GMDS: variants seen among roughly 807,000 people sequenced by gnomAD.
GMDS encodes the protein GDP-mannose 4,6 dehydratase.
In GMDS, 20 loss-of-function variants were observed where a neutral mutation model predicts 49.9. The ratio of observed to expected loss-of-function variants is 0.40; its 90% CI spans 0.28 to 0.58. The LOEUF is 0.58. GMDS is among the 20% of genes least tolerant of loss of function. The pLI is 0.42. For synonymous variants in GMDS, 177 were observed against 178.6 expected, an observed-to-expected ratio of 0.99 and a Z score of 0.07; for missense variants, 362 against 481.4, an observed-to-expected ratio of 0.75 and a Z score of 2.32.
At chr6:1,701,032 C>G (rs903506244) in intron 9 of GMDS, among the ~76,000 whole-genome samples, 2 of 152,190 alleles carry the variant, frequency 1.3e-5, no homozygotes, top group African/African-American at 4.8e-5. Flanking sequence ...ACTAAAAAGT[C>G]TGGGTTCAGG....
At chr6:1,642,254 C>A (rs1032058847) in intron 9 of GMDS, among the ~76,000 whole-genome samples, 1 of 149,146 alleles carries the variant, frequency 6.7e-6, no homozygotes, top group African/African-American at 2.5e-5. Context: ...GCAACCTCCA[C>A]CTCCCAGGTT....
chr6:1,850,027 T>A (rs1263142883), intron 7 of GMDS, among the ~76,000 whole-genome samples: 1 of 152,230 alleles, frequency 6.6e-6, no homozygotes, highest in Non-Finnish European at 1.5e-5. Flanking sequence ...TCCCCATAAA[T>A]GATCATCATG....
chr6:2,231,230 T>G (rs140783097), intron 1 of GMDS, among the ~76,000 whole-genome samples: 2 of 152,146 alleles, frequency 1.3e-5, no homozygotes, highest in Non-Finnish European at 2.9e-5. Context: ...TCTTGACTCC[T>G]AAGTTCTGCT....
intron 6 of GMDS, among the ~76,000 whole-genome samples, chr6:1,940,379 C>G (rs936928982): frequency 1.3e-5 from 2 of 152,200 alleles, no homozygotes; most frequent in Non-Finnish European, 2.9e-5. Flanking sequence ...AGAAATCATT[C>G]CAATTTATCC....
rs1780081198 is a variant in GMDS, at chr6:2,211,974, T to C, written c.102+33347A>G. Among the ~76,000 whole-genome samples the C allele has an allele frequency of 2.0e-5, 3 of 152,228 alleles. No homozygotes were observed. In the South Asian group the frequency reaches 6.2e-4, roughly 32 times the overall value. On this transcript the variant is annotated intron_variant, in intron 1 of 10. Coordinates refer to ENST00000380815, the MANE Select transcript of GMDS (RefSeq NM_001500.4). ...TAAAATTTAACTAAACCTTCAACAA[T>C]TGGTAATAATTTAACCCATCTCTTT...
At chr6:2,139,182 G>A (rs1032729299) in intron 1 of GMDS, among the ~76,000 whole-genome samples, 2 of 152,080 alleles carry the variant, frequency 1.3e-5, no homozygotes, top group African/African-American at 2.4e-5. Context: ...AGAACTTCTT[G>A]TACCCCAAAA....
intron 7 of GMDS, among the ~76,000 whole-genome samples, chr6:1,846,585 T>C (rs1757423600): frequency 6.6e-6 from 1 of 152,200 alleles, no homozygotes; most frequent in African/African-American, 2.4e-5. Context: ...ATGGAAGCCA[T>C]GGGAACATGG....
chr6:2,055,745 G>A (rs1770741973), intron 4 of GMDS, among the ~76,000 whole-genome samples: 1 of 152,090 alleles, frequency 6.6e-6, no homozygotes, highest in Non-Finnish European at 1.5e-5. Flanking sequence ...AGTCAGTATA[G>A]CACAGTGGTT....
At chr6:1,897,988 C>CT (rs1296498586) in intron 7 of GMDS, among the ~76,000 whole-genome samples, 11 of 112,090 alleles carry the variant, frequency 9.8e-5, no homozygotes, top group African/African-American at 3.1e-4. Flanking sequence ...CCTGGCCTCC[C>CT]TTGCCATCCT....
intron 9 of GMDS, among the ~76,000 whole-genome samples, chr6:1,678,584 T>A (rs540896016): frequency 4.6e-5 from 7 of 152,130 alleles, no homozygotes; most frequent in East Asian, 1.9e-4. Flanking sequence ...CTTTTATTTT[T>A]TTTTTTCTCC....
chr6:2,052,123 AAAAAAAAG>A lies in GMDS; in HGVS notation c.345+63640_345+63647del, dbSNP rs1177680833. 1.9e-3 allele frequency among the ~76,000 whole-genome samples: 275 copies of A among 141,520 alleles called. 5 individuals carry two copies. Among genetic ancestry groups the A allele is most frequent in the African/African-American group, 2.2e-3 (77 of 35,130 alleles). The allele number at this position is 141,520 out of a possible 152,430, so 92.8% of individuals were successfully genotyped here. A position where few individuals can be genotyped will look rare whatever the true frequency, so the allele number is the denominator to read the frequency against. On this transcript the variant is annotated intron_variant, in intron 4 of 10. Transcript: ENST00000380815. ...CAGAGCAAGACTCTGTCTCAAAAAA[AAAAAAAAG>A]AAAAAAAAAAAACAGAAAAGAAAAA...
chr6:1,625,808 G>T (rs543054125), intron 9 of GMDS, among the ~76,000 whole-genome samples: 2 of 152,372 alleles, frequency 1.3e-5, no homozygotes, highest in African/African-American at 4.8e-5. Flanking sequence ...ATACACAAAT[G>T]TACTCGTCAA....
intron 4 of GMDS, among the ~76,000 whole-genome samples, chr6:2,099,382 T>G (rs1166766123): frequency 1.4e-4 from 22 of 152,102 alleles, no homozygotes; most frequent in Admixed American, 1.4e-3. Flanking sequence ...TTTGTTTGTA[T>G]TTTTCCCTGG....
chr6:1,765,923 G>T (rs1768333439), intron 7 of GMDS, among the ~76,000 whole-genome samples: 1 of 152,134 alleles, frequency 6.6e-6, no homozygotes, highest in Admixed American at 6.5e-5. Flanking sequence ...TCTTCTCTCT[G>T]TCCTATCTTC....
chr6:1,772,157 A>C (rs1768604853), intron 7 of GMDS, among the ~76,000 whole-genome samples: 1 of 152,236 alleles, frequency 6.6e-6, no homozygotes, highest in African/African-American at 2.4e-5. Flanking sequence ...ATTTTCAGTT[A>C]CTGTTACAAG....
At chr6:1,776,526 GA>G (rs534951952) in intron 7 of GMDS, among the ~76,000 whole-genome samples, 15,873 of 136,720 alleles carry the variant, frequency 0.12, 1,271 homozygotes, top group African/African-American at 0.24. Flanking sequence ...TGTCTCTACA[GA>G]AAAAAAAAAA....
chr6:1,734,220 T>C (rs1295724125), intron 8 of GMDS, among the ~76,000 whole-genome samples: 1 of 152,200 alleles, frequency 6.6e-6, no homozygotes, highest in Non-Finnish European at 1.5e-5. Flanking sequence ...AGTAAGGGGC[T>C]TCTGGCAGTA....
chr6:2,042,952 T>A (rs941561417), intron 4 of GMDS, among the ~76,000 whole-genome samples: 1 of 152,156 alleles, frequency 6.6e-6, no homozygotes, highest in African/African-American at 2.4e-5. Context: ...TTCATAAGCA[T>A]CCATATGACA....
At chr6:1,969,038 G>C (rs1184506858) in intron 4 of GMDS, among the ~76,000 whole-genome samples, 3 of 151,906 alleles carry the variant, frequency 2.0e-5, no homozygotes, top group Non-Finnish European at 2.9e-5. Context: ...GAGGCGGGCG[G>C]ATCACGAGGT....
Sources: gnomAD v4.1 joint callset for allele counts (sites outside exome capture counted in the v4.1 genomes callset) on GRCh38, gnomAD v4.1.1 for gene constraint, MANE v1.5 for transcripts, NCBI Gene and HGNC (gene_info 2026-07-23, HGNC 2026-07-21) for gene names.